Variants in PRTG observed in about 807,000 individuals in gnomAD.
The protein encoded by PRTG is protogenin.
A neutral mutation model predicts 122.5 loss-of-function variants in PRTG; 67 were observed. The observed-to-expected ratio is 0.55, with a 90% CI of 0.45 to 0.67. PRTG has a LOEUF of 0.67. Ranked by LOEUF, PRTG falls within the 30% of genes least tolerant of loss-of-function variation. The pLI, the probability that PRTG is intolerant of heterozygous loss-of-function variation, is 0.00. For missense variants in PRTG, 1,435 were observed against 1,415.4 expected, an observed-to-expected ratio of 1.01 and a Z score of -0.22; for synonymous variants, 554 against 501.1, an observed-to-expected ratio of 1.11 and a Z score of -1.41.
At chr15:55,700,729 CTGGA>C (rs1387546016) in intron 2 of PRTG, among the ~76,000 whole-genome samples, 11 of 152,088 alleles carry the variant, frequency 7.2e-5, no homozygotes, top group Non-Finnish European at 1.5e-4. Flanking sequence ...TGTACTGAGC[CTGGA>C]TCGCACCACT....
chr15:55,728,752 G>T (rs1376267283), intron 2 of PRTG, among the ~76,000 whole-genome samples: 1 of 85,138 alleles, frequency 1.2e-5, no homozygotes, highest in Non-Finnish European at 2.4e-5. Flanking sequence ...TCTAGACAGA[G>T]CAATTAGTCT....
At chr15:55,669,038 G>A (rs2059453630) in intron 11 of PRTG, among the ~76,000 whole-genome samples, 1 of 151,932 alleles carries the variant, frequency 6.6e-6, no homozygotes. Context: ...GAAAATGCTC[G>A]TTAAATGAAT....
chr15:55,668,383 A>C (rs940333447), intron 11 of PRTG, among the ~76,000 whole-genome samples: 25 of 152,240 alleles, frequency 1.6e-4, no homozygotes, highest in African/African-American at 5.8e-4. Context: ...AGCTAACTTC[A>C]GAATTTAAAG....
chr15:55,654,830 G>A (rs74404457), intron 11 of PRTG, among the ~76,000 whole-genome samples: 9,968 of 152,230 alleles, frequency 0.065, 455 homozygotes, highest in Non-Finnish European at 0.1. Flanking sequence ...GGCTTGCCAT[G>A]CCATTTTGAC....
chr15:55,648,942 C>T (rs1008218561), intron 11 of PRTG, among the ~76,000 whole-genome samples: 3 of 151,834 alleles, frequency 2.0e-5, no homozygotes, highest in African/African-American at 7.2e-5. Context: ...ACTAAAAATA[C>T]AAAAATTAGC....
chr15:55,700,702 G>A (rs754361490), intron 2 of PRTG, among the ~76,000 whole-genome samples: 2 of 152,092 alleles, frequency 1.3e-5, no homozygotes, highest in Non-Finnish European at 2.9e-5. Flanking sequence ...GATCACTGGA[G>A]CCTGGGAGGT....
chr15:55,690,770 TAAC>T (rs1229266709), intron 2 of PRTG, among the ~76,000 whole-genome samples: 1 of 152,114 alleles, frequency 6.6e-6, no homozygotes, highest in African/African-American at 2.4e-5. Context: ...AAGACAGAAA[TAAC>T]AATAGGTTAA....
intron 2 of PRTG, among the ~76,000 whole-genome samples, chr15:55,698,138 C>T (rs1367812912): frequency 1.3e-5 from 2 of 152,148 alleles, no homozygotes; most frequent in Non-Finnish European, 2.9e-5. Context: ...TTATTATTCC[C>T]ATTCTTTTGC....
chr15:55,685,483 G>T (rs2059565234), intron 2 of PRTG, among the ~76,000 whole-genome samples: 1 of 152,116 alleles, frequency 6.6e-6, no homozygotes, highest in African/African-American at 2.4e-5. Context: ...TCACTCTCTT[G>T]TCTTGAATAT....
At chr15:55,671,703 G>A (rs1251782111) in intron 11 of PRTG, among the ~76,000 whole-genome samples, 3 of 152,080 alleles carry the variant, frequency 2.0e-5, no homozygotes, top group Non-Finnish European at 4.4e-5. Context: ...GTTTCACCAT[G>A]TTGGCCAGGC....
At chr15:55,633,057 CTTAT>C (rs916442502) in intron 15 of PRTG, among the ~76,000 whole-genome samples, 9 of 152,150 alleles carry the variant, frequency 5.9e-5, no homozygotes, top group Non-Finnish European at 8.8e-5. Context: ...ATTCCTCCAA[CTTAT>C]TTAACCATGA....
chr15:55,644,786 T>C (rs549875965), intron 11 of PRTG, among the ~76,000 whole-genome samples: 2 of 151,920 alleles, frequency 1.3e-5, no homozygotes, highest in Admixed American at 6.6e-5. Flanking sequence ...ACACACACAC[T>C]CCCAGAATAA....
At chr15:55,711,171 T>C in intron 2 of PRTG, among the ~76,000 whole-genome samples, 1 of 151,828 alleles carries the variant, frequency 6.6e-6, no homozygotes. Context: ...ATCCACCTGC[T>C]TTGGCCTCCC....
intron 2 of PRTG, among the ~76,000 whole-genome samples, chr15:55,739,263 AT>A (rs754596379): frequency 0.018 from 2,546 of 143,400 alleles, 21 homozygotes; most frequent in African/African-American, 0.022. Context: ...GTGGTTTTGT[AT>A]TTTTTTTTTT....
At chr15:55,692,835 CT>C (rs774248341) in intron 2 of PRTG, among the ~76,000 whole-genome samples, 4,907 of 74,806 alleles carry the variant, frequency 0.066, 26 homozygotes, top group Non-Finnish European at 0.086. Flanking sequence ...AATGCAATCT[CT>C]TTTTTTTTTT....
At chr15:55,709,008 T>G (rs1396727648) in intron 2 of PRTG, among the ~76,000 whole-genome samples, 1 of 151,374 alleles carries the variant, frequency 6.6e-6, no homozygotes, top group African/African-American at 2.4e-5. Context: ...TAGCTTGGTG[T>G]GGTGGTGCGT....
At chr15:55,683,699 G>A (rs2059554197) in intron 3 of PRTG, 88 bp downstream of exon 3, 1 of 1,036,698 alleles carries the variant, frequency 9.6e-7, no homozygotes. Flanking sequence ...ATAAAAATGA[G>A]GCCTATAATG....
At chr15:55,713,920 AATTT>A (rs1404639865) in intron 2 of PRTG, among the ~76,000 whole-genome samples, 2 of 152,112 alleles carry the variant, frequency 1.3e-5, no homozygotes, top group African/African-American at 4.8e-5. Flanking sequence ...AACTTAATAA[AATTT>A]ATTAATTTTT....
chr15:55,742,585 G>A, intron 1 of PRTG: 1 of 454,368 alleles, frequency 2.2e-6, no homozygotes, highest in East Asian at 3.8e-5. Flanking sequence ...CCACGGGCGC[G>A]CGGCGCGGAG....
Sources: gnomAD v4.1 joint callset for allele counts (sites outside exome capture counted in the v4.1 genomes callset) on GRCh38, gnomAD v4.1.1 for gene constraint, MANE v1.5 for transcripts, NCBI Gene and HGNC (gene_info 2026-07-23, HGNC 2026-07-21) for gene names.